Variants in FRMD8 observed in about 807,000 individuals in gnomAD.
The protein encoded by FRMD8 is FERM domain-containing protein 8.
Under a neutral mutation model 54.2 loss-of-function variants are expected in FRMD8, and 37 were observed. The observed-to-expected ratio is 0.68, with a 90% CI of 0.53 to 0.90. The LOEUF is 0.90. Ranked by LOEUF, FRMD8 falls within the 40% of genes least tolerant of loss-of-function variation. FRMD8 has a pLI of 0.00. For missense variants in FRMD8, 585 were observed against 653.7 expected (o/e 0.89, Z 1.15); for synonymous variants, 246 against 286.9 (o/e 0.86, Z 1.44).
chr11:65,376,471 C>T, the FRMD8 span: 47 of 1,614,174 alleles, frequency 2.9e-5, no homozygotes, highest in African/African-American at 6.7e-5. Flanking sequence ...GGGAAAGGCG[C>T]GGGCACTGTT....
the FRMD8 span, chr11:65,376,307 G>C: frequency 2.5e-5 from 36 of 1,416,408 alleles, no homozygotes; most frequent in Admixed American, 6.7e-4. Flanking sequence ...GAAGGGCTGA[G>C]CCTCTTGCAC....
At chr11:65,382,390 G>A (rs143489438), upstream of FRMD8, 3,504 of 208,124 alleles carry the variant, frequency 0.017, 67 homozygotes, top group Admixed American at 0.044. The surrounding 1 kb of genome is among the most constrained non-coding windows in gnomAD (Gnocchi z 4.4). Context: ...GAGAGAGGCC[G>A]GGTGCGGAGG....
intron 3 of FRMD8, 24 bp downstream of exon 3, chr11:65,389,552 C>T: frequency 6.5e-7 from 1 of 1,547,760 alleles, no homozygotes. Context: ...GTGAGGAGCC[C>T]AGGCTGGAGG....
At chr11:65,379,473 A>G in the FRMD8 span, 1 of 1,613,990 alleles carries the variant, frequency 6.2e-7, no homozygotes, top group Non-Finnish European at 8.5e-7. Flanking sequence ...GAGCACCAGC[A>G]GGGTGTTGCT....
At chr11:65,388,945 G>A (rs1166481484) in intron 2 of FRMD8, among the ~76,000 whole-genome samples, 1 of 152,214 alleles carries the variant, frequency 6.6e-6, no homozygotes, top group African/African-American at 2.4e-5. Flanking sequence ...CTATGCTGTG[G>A]TTTCAGCCTC....
rs752846330 is a variant in FRMD8 at position 65,404,900 on chromosome 11, G to A, written c.1108G>A (p.Glu370Lys). The A allele has an allele frequency of 1.9e-5, 30 of 1,613,060 alleles. No homozygotes were observed. In the East Asian group the frequency reaches 4.2e-4, roughly 23 times the overall value. ...GAGCAGTCTCATTGAGTACTGCATC[G>A]AACTGAGCCAGGCGGCGGAGCCCGC... is the stretch of plus-strand genomic sequence containing the variant. Reference protein sequence around the residue: ...LMSSLIEYCIELSQAAEPAGP... With the variant: ...LMSSLIEYCIKLSQAAEPAGP... The change falls in exon 10 of 11, where the codon GAA becomes AAA. Residue 370 changes from glutamate to lysine, a missense_variant. Coordinates refer to ENST00000317568, the MANE Select transcript of FRMD8 (RefSeq NM_031904.5). The surrounding 1 kb of genome is among the most constrained non-coding windows in gnomAD (Gnocchi z 4.7).
chr11:65,374,074 G>A, the FRMD8 span, among the ~76,000 whole-genome samples: 51 of 152,292 alleles, frequency 3.3e-4, 1 homozygote, highest in South Asian at 0.01. Flanking sequence ...GCTTTGGGAG[G>A]CCAAGGCGGG....
chr11:65,391,102 G>A (rs1390218693), intron 3 of FRMD8, among the ~76,000 whole-genome samples: 1 of 152,276 alleles, frequency 6.6e-6, no homozygotes, highest in African/African-American at 2.4e-5. Context: ...GGGCAGGGAG[G>A]GGCGCTGTCT....
intron 10 of FRMD8, among the ~76,000 whole-genome samples, chr11:65,406,556 C>T (rs958635587): frequency 1.5e-4 from 23 of 151,634 alleles, no homozygotes; most frequent in South Asian, 2.1e-4. Flanking sequence ...TCTCAATTTC[C>T]TGTCCTCGTG....
At chr11:65,373,707 C>T in the FRMD8 span, among the ~76,000 whole-genome samples, 1 of 152,192 alleles carries the variant, frequency 6.6e-6, no homozygotes, top group Non-Finnish European at 1.5e-5. Context: ...CCACCTCAGT[C>T]TCCCAAGCAG....
intron 8 of FRMD8, 51 bp downstream of exon 8, chr11:65,399,910 C>T: frequency 6.4e-7 from 1 of 1,573,766 alleles, no homozygotes; most frequent in South Asian, 1.2e-5. Flanking sequence ...GGGCTCCTGA[C>T]TCAGGTCTTC....
upstream of FRMD8, chr11:65,383,093 G>A (rs1855650785): frequency 6.6e-6 from 1 of 152,550 alleles, no homozygotes; most frequent in Admixed American, 6.5e-5. Flanking sequence ...GGCAGCCTGG[G>A]GCTCCAGTTC....
chr11:65,402,247 G>C (rs1856099404), intron 9 of FRMD8, among the ~76,000 whole-genome samples: 1 of 151,972 alleles, frequency 6.6e-6, no homozygotes, highest in Non-Finnish European at 1.5e-5. Flanking sequence ...GCTACTACTT[G>C]GGAGACTGAG....
intron 9 of FRMD8, among the ~76,000 whole-genome samples, chr11:65,401,799 C>A (rs1856089154): frequency 1.3e-5 from 2 of 149,952 alleles, no homozygotes; most frequent in Non-Finnish European, 3.0e-5. Context: ...ATATTCTCAC[C>A]TTTATGTTCA....
chr11:65,371,816 G>A, the FRMD8 span, among the ~76,000 whole-genome samples: 1 of 151,932 alleles, frequency 6.6e-6, no homozygotes, highest in Non-Finnish European at 1.5e-5. Context: ...GCGTTTCACT[G>A]TGTTAGCCAG....
the FRMD8 span, among the ~76,000 whole-genome samples, chr11:65,372,973 G>A: frequency 6.6e-6 from 1 of 152,132 alleles, no homozygotes; most frequent in Non-Finnish European, 1.5e-5. Flanking sequence ...GAGGAAAGCT[G>A]GGGGTGGTGG....
At chr11:65,408,976 C>A (rs1030904803) in intron 10 of FRMD8, among the ~76,000 whole-genome samples, 2 of 152,040 alleles carry the variant, frequency 1.3e-5, no homozygotes, top group East Asian at 1.9e-4. Flanking sequence ...CCAGGTGTAC[C>A]CTCCCCAGCA....
At chr11:65,372,017 T>G in the FRMD8 span, among the ~76,000 whole-genome samples, 10 of 152,158 alleles carry the variant, frequency 6.6e-5, no homozygotes, top group Admixed American at 3.3e-4. Context: ...GTTCAAGAGA[T>G]TCTCCTGCCT....
chr11:65,399,028 CGCTCTGTTGCCCAG>C (rs1464645920), intron 7 of FRMD8, among the ~76,000 whole-genome samples: 4 of 141,928 alleles, frequency 2.8e-5, no homozygotes, highest in African/African-American at 1.0e-4. Context: ...GATGGAGTCT[CGCTCTGTTGCCCAG>C]GCTGGAGTGC....
Sources: gnomAD v4.1 joint callset for allele counts (sites outside exome capture counted in the v4.1 genomes callset) on GRCh38, gnomAD v4.1.1 for gene constraint, Gnocchi (gnomAD v3.1) non-coding constraint, MANE v1.5 for transcripts, NCBI Gene and HGNC (gene_info 2026-07-23, HGNC 2026-07-21) for gene names.